Variants in MCTP1 observed in about 807,000 individuals in gnomAD.
MCTP1 encodes the protein multiple C2 and transmembrane domain-containing protein 1.
In MCTP1, 69 loss-of-function variants were observed where a neutral mutation model predicts 120.6. The ratio of observed to expected loss-of-function variants is 0.57; its 90% confidence interval spans 0.47 to 0.70. The LOEUF (loss-of-function observed/expected upper bound fraction) is 0.70, where lower values mean the gene tolerates loss of function less well. Ranked by LOEUF, MCTP1 falls within the 30% of genes least tolerant of loss-of-function variation. The pLI is 0.00. For missense variants in MCTP1, 1,203 were observed against 1,248.8 expected (o/e 0.96, Z 0.55); for synonymous variants, 529 against 493.1 (o/e 1.07, Z -0.96).
intron 2 of MCTP1, among the ~76,000 whole-genome samples, chr5:94,959,069 AC>A (rs1328155673): frequency 6.6e-6 from 1 of 152,156 alleles, no homozygotes; most frequent in East Asian, 1.9e-4. Flanking sequence ...AAGCTTATCC[AC>A]CACAATCAAG....
chr5:95,208,024 A>G (rs1027355575), intron 1 of MCTP1, among the ~76,000 whole-genome samples: 9 of 147,952 alleles, frequency 6.1e-5, no homozygotes, highest in Non-Finnish European at 1.4e-4. Context: ...AGAGGGAGAG[A>G]GAGAGAAAGA....
At chr5:94,823,020 A>G (rs190500342) in intron 17 of MCTP1, among the ~76,000 whole-genome samples, 1 of 152,088 alleles carries the variant, frequency 6.6e-6, no homozygotes, top group East Asian at 1.9e-4. Context: ...CTGATGATAG[A>G]TTCTTTTGCT....
At chr5:94,934,077 T>A (rs1815505371) in intron 5 of MCTP1, among the ~76,000 whole-genome samples, 1 of 151,816 alleles carries the variant, frequency 6.6e-6, no homozygotes, top group South Asian at 2.1e-4. Flanking sequence ...TTCTGCCTCT[T>A]GAGCCAAATC....
At chr5:94,919,051 G>T (rs893160848) in intron 7 of MCTP1, among the ~76,000 whole-genome samples, 1 of 152,124 alleles carries the variant, frequency 6.6e-6, no homozygotes, top group African/African-American at 2.4e-5. Flanking sequence ...AAATTAATTG[G>T]TATAGGAGTT....
At chr5:95,139,572 A>T (rs541852989) in intron 1 of MCTP1, among the ~76,000 whole-genome samples, 176 of 152,346 alleles carry the variant, frequency 1.2e-3, no homozygotes, top group Non-Finnish European at 2.0e-3. Flanking sequence ...TCTCAAAATC[A>T]ACCTTATTTT....
At chr5:94,772,714 C>G (rs1774356972) in intron 19 of MCTP1, among the ~76,000 whole-genome samples, 1 of 152,162 alleles carries the variant, frequency 6.6e-6, no homozygotes, top group African/African-American at 2.4e-5. Context: ...TAAACAGTCT[C>G]TAGCTGGGGT....
Position 94,710,804 on chromosome 5 carries a change from G to T in MCTP1, c.2830+14C>A, listed in dbSNP as rs369006316. The T allele has an allele frequency of 6.4e-7, 1 of 1,560,454 alleles. No individual in the cohort carries two copies. Among genetic ancestry groups the T allele is most frequent in the Non-Finnish European group, 8.8e-7 (1 of 1,132,832 alleles). ...GCTAAGACAGTTTGGGGGAGTGGGG[G>T]AGGCTTTACTTACCCCAGACAAGGA... On this transcript the variant is annotated intron_variant, in intron 21 of 22. Transcript: ENST00000515393.
At chr5:94,996,123 T>C (rs958120298) in intron 2 of MCTP1, among the ~76,000 whole-genome samples, 1 of 152,202 alleles carries the variant, frequency 6.6e-6, no homozygotes, top group Non-Finnish European at 1.5e-5. Flanking sequence ...CCTATATCAC[T>C]GAGTGGGATA....
At chr5:95,017,320 T>C (rs12658252) in intron 2 of MCTP1, 47 bp downstream of exon 2, 162,480 of 1,178,988 alleles carry the variant, frequency 0.14, 15,252 homozygotes, top group East Asian at 0.45. Flanking sequence ...AAGTTTGTCA[T>C]AAACACATAA....
At chr5:95,255,233 G>A (rs1757759498) in intron 1 of MCTP1, among the ~76,000 whole-genome samples, 1 of 152,144 alleles carries the variant, frequency 6.6e-6, no homozygotes, top group African/African-American at 2.4e-5. Flanking sequence ...CTCCTCAAGA[G>A]AAGCAACCCT....
At position 94,786,814 on chromosome 5, in the gene MCTP1, G is replaced by T. The variant is rs1330242903; in HGVS notation, c.2557-7651C>A. Among the ~76,000 whole-genome samples, 2 of 152,006 alleles carry T rather than the reference G, an allele frequency of 1.3e-5. 1 individual carries two copies. Among genetic ancestry groups the T allele is most frequent in the African/African-American group, 4.8e-5 (2 of 41,382 alleles). ...AATTATGAAGAGCAGGTTTCATAAA[G>T]ATAATTCTCCATTTAAATTCATCAG... On this transcript the variant is annotated intron_variant, in intron 18 of 22. Transcript: ENST00000515393.
At position 94,848,576 on chromosome 5, in the gene MCTP1, G is replaced by T. The variant is rs551524013; in HGVS notation, c.2436+19757C>A. On this transcript the variant is annotated intron_variant, in intron 17 of 22. Coordinates refer to ENST00000515393, the MANE Select transcript of MCTP1 (RefSeq NM_024717.7). ...CTTTCACAGGTATTATAAGAAGTAGGCATGACGGGTTCCAAATGCAATAAC... is the reference window on the plus strand; with the variant it reads ...CTTTCACAGGTATTATAAGAAGTAGTCATGACGGGTTCCAAATGCAATAAC... Among the ~76,000 whole-genome samples the T allele has an allele frequency of 2.0e-5, 3 of 152,174 alleles. No homozygotes were observed. In the East Asian group the frequency reaches 5.9e-4, roughly 30 times the overall value.
intron 1 of MCTP1, among the ~76,000 whole-genome samples, chr5:95,225,390 C>A (rs1754143831): frequency 6.6e-6 from 1 of 152,174 alleles, no homozygotes; most frequent in African/African-American, 2.4e-5. Context: ...AATTGGACAT[C>A]TCCCAACTCC....
intron 2 of MCTP1, among the ~76,000 whole-genome samples, chr5:94,979,810 G>A (rs1158536709): frequency 2.0e-5 from 3 of 151,978 alleles, no homozygotes; most frequent in African/African-American, 7.2e-5. Context: ...ACCATAATAA[G>A]AGCAAGAAAA....
chr5:94,972,606 T>C (rs1827149860), intron 2 of MCTP1, among the ~76,000 whole-genome samples: 1 of 152,156 alleles, frequency 6.6e-6, no homozygotes. Flanking sequence ...TATCATCAGC[T>C]CTAGATCTTT....
intron 17 of MCTP1, among the ~76,000 whole-genome samples, chr5:94,825,591 T>G (rs1786828138): frequency 6.6e-6 from 1 of 152,174 alleles, no homozygotes; most frequent in African/African-American, 2.4e-5. Flanking sequence ...GTCCTGAACA[T>G]CCCTGTTAAT....
intron 1 of MCTP1, among the ~76,000 whole-genome samples, chr5:95,077,077 G>A (rs1753756384): frequency 6.6e-6 from 1 of 152,144 alleles, no homozygotes; most frequent in African/African-American, 2.4e-5. Flanking sequence ...GACTAATTGT[G>A]CCAAATAAAT....
intron 19 of MCTP1, among the ~76,000 whole-genome samples, chr5:94,717,768 C>A (rs887760344): frequency 6.6e-6 from 1 of 151,992 alleles, no homozygotes; most frequent in African/African-American, 2.4e-5. Flanking sequence ...CTCTCATTCA[C>A]AATTGCTACA....
intron 5 of MCTP1, among the ~76,000 whole-genome samples, chr5:94,935,047 T>C (rs967708440): frequency 6.6e-6 from 1 of 151,882 alleles, no homozygotes; most frequent in Non-Finnish European, 1.5e-5. Flanking sequence ...AAAACAGAAA[T>C]GACAATTGTG....
Sources: gnomAD v4.1 joint callset for allele counts (sites outside exome capture counted in the v4.1 genomes callset) on GRCh38, gnomAD v4.1.1 for gene constraint, MANE v1.5 for transcripts, NCBI Gene and HGNC (gene_info 2026-07-23, HGNC 2026-07-21) for gene names.